The following ZFYVE28 variants were observed in gnomAD, a reference collection of about 807,000 sequenced individuals.
The protein encoded by ZFYVE28 is zinc finger FYVE-type containing 28, also known as lateral signaling target protein 2 homolog.
A neutral mutation model predicts 82.1 loss-of-function variants in ZFYVE28; 40 were observed. The observed-to-expected ratio is 0.49, with a 90% CI of 0.38 to 0.63. ZFYVE28 has a LOEUF of 0.63. ZFYVE28 is among the 30% of genes least tolerant of loss of function. The probability of loss-of-function intolerance (pLI) is 0.00; values close to 1 mark genes in which losing one functional copy is unlikely to be tolerated. For missense variants in ZFYVE28, 1,321 were observed against 1,242.1 expected, an observed-to-expected ratio of 1.06 and a Z score of -0.96; for synonymous variants, 612 against 546.1, an observed-to-expected ratio of 1.12 and a Z score of -1.68.
At chr4:2,352,085 C>T (rs1328515445) in intron 2 of ZFYVE28, among the ~76,000 whole-genome samples, 1 of 152,128 alleles carries the variant, frequency 6.6e-6, no homozygotes, top group East Asian at 1.9e-4. Context: ...GGTTTTGTGT[C>T]CTGAGAATAC....
At chr4:2,291,538 A>G (rs1258244487) in intron 8 of ZFYVE28, among the ~76,000 whole-genome samples, 1 of 152,180 alleles carries the variant, frequency 6.6e-6, no homozygotes, top group Non-Finnish European at 1.5e-5. Flanking sequence ...AGCAGGGAGT[A>G]GGGCCGGAAG....
intron 2 of ZFYVE28, among the ~76,000 whole-genome samples, chr4:2,348,570 G>A (rs1177836546): frequency 1.3e-5 from 2 of 152,200 alleles, no homozygotes; most frequent in Non-Finnish European, 2.9e-5. Context: ...AAAGGATAAT[G>A]TACCATGAAC....
chr4:2,353,688 G>GC (rs1302705716), intron 2 of ZFYVE28, among the ~76,000 whole-genome samples: 2 of 152,010 alleles, frequency 1.3e-5, no homozygotes, highest in African/African-American at 4.8e-5. Context: ...CGCACCCCCT[G>GC]CCCCCGCTCT....
chr4:2,314,510 T>C (rs1390532866), intron 7 of ZFYVE28, among the ~76,000 whole-genome samples: 1 of 152,250 alleles, frequency 6.6e-6, no homozygotes, highest in Non-Finnish European at 1.5e-5. Context: ...TGTTTTTCCT[T>C]CTATGAATTT....
intron 8 of ZFYVE28, among the ~76,000 whole-genome samples, chr4:2,294,432 A>G (rs974173889): frequency 2.0e-5 from 3 of 152,242 alleles, no homozygotes; most frequent in Admixed American, 6.5e-5. Context: ...CACCATATAC[A>G]TGAGTTACTT....
At chr4:2,414,389 T>C (rs1265429307) in intron 1 of ZFYVE28, among the ~76,000 whole-genome samples, 1 of 152,272 alleles carries the variant, frequency 6.6e-6, no homozygotes, top group Non-Finnish European at 1.5e-5. Context: ...GCAAAGGCCA[T>C]GTCATCGCTA....
intron 1 of ZFYVE28, among the ~76,000 whole-genome samples, chr4:2,375,959 T>C (rs13122325): frequency 0.67 from 100,902 of 151,130 alleles, 34,020 homozygotes; most frequent in East Asian, 0.8. Context: ...CTGCAACCTC[T>C]GCCTCCTGGG....
intron 1 of ZFYVE28, among the ~76,000 whole-genome samples, chr4:2,386,741 C>T (rs571740253): frequency 4.6e-5 from 7 of 152,258 alleles, no homozygotes; most frequent in Non-Finnish European, 8.8e-5. Context: ...TGTAAGAAAC[C>T]CAAATGCCTT....
intron 1 of ZFYVE28, among the ~76,000 whole-genome samples, chr4:2,402,691 A>T (rs1051838912): frequency 6.6e-6 from 1 of 152,194 alleles, no homozygotes; most frequent in Non-Finnish European, 1.5e-5. Flanking sequence ...TTAGAAGGGA[A>T]TATTAAAAAC....
In ZFYVE28 at chr4:2,339,024, G is replaced by A. The variant is rs538504677; in HGVS notation, c.521+429C>T. On this transcript the variant is annotated intron_variant, in intron 4 of 12. Transcript: ENST00000290974. The surrounding 1 kb of genome is among the most constrained non-coding windows in gnomAD (Gnocchi z 5.0). ...AGATGGGGTGTCACCGTGTTAGCCA[G>A]GATGGTCTCGATCTTCTGACCTCAT... 1.4e-4 allele frequency among the ~76,000 whole-genome samples: 21 copies of A among 152,152 alleles called. No individual in the cohort carries two copies. Among genetic ancestry groups the A allele is most frequent in the Non-Finnish European group, 2.6e-4 (18 of 68,030 alleles).
chr4:2,273,192 G>C lies in ZFYVE28; in HGVS notation c.2304C>G (p.Asp768Glu), dbSNP rs148161127. ...ACTCACCCTTCCTTAACTTTTCCTT[G>C]TCGTCTGTTTCAGGCTTGGTGGCCA... ...EVMATKPETD[D>E]KEKLRKVTQT... Residue 768 changes from aspartate to glutamate, a missense_variant, in exon 10 of 13, where the codon GAC becomes GAG. Physicochemically the swap from Asp to Glu is conservative, Grantham distance 45 (BLOSUM62 2). This residue lies in a region of ZFYVE28 where 978 missense variants were observed against 833.7 expected (regional missense o/e 1.17). Coordinates refer to ENST00000290974, the MANE Select transcript of ZFYVE28 (RefSeq NM_020972.3). The C allele has an allele frequency of 6.2e-7, 1 of 1,613,730 alleles. No homozygotes were observed. Among genetic ancestry groups the C allele is most frequent in the South Asian group, 1.1e-5 (1 of 91,066 alleles).
intron 8 of ZFYVE28, among the ~76,000 whole-genome samples, chr4:2,292,948 G>A (rs1355547747): frequency 6.6e-6 from 1 of 152,206 alleles, no homozygotes; most frequent in Non-Finnish European, 1.5e-5. Context: ...TCATGACCAT[G>A]TACAGTTTGC....
intron 2 of ZFYVE28, among the ~76,000 whole-genome samples, chr4:2,347,762 T>C (rs1453077664): frequency 1.3e-5 from 2 of 152,110 alleles, no homozygotes; most frequent in Non-Finnish European, 2.9e-5. Context: ...GGAATGCCAC[T>C]AAAGCAGCAA....
intron 6 of ZFYVE28, among the ~76,000 whole-genome samples, chr4:2,333,915 T>C (rs1721139700): frequency 6.6e-6 from 1 of 152,134 alleles, no homozygotes; most frequent in African/African-American, 2.4e-5. Flanking sequence ...AGAAAAACAA[T>C]GTCACCAAAT....
At chr4:2,390,650 G>A (rs1729727008) in intron 1 of ZFYVE28, among the ~76,000 whole-genome samples, 1 of 152,194 alleles carries the variant, frequency 6.6e-6, no homozygotes, top group African/African-American at 2.4e-5. Context: ...AGAAAGATCT[G>A]GAAAAAACAA....
intron 7 of ZFYVE28, among the ~76,000 whole-genome samples, chr4:2,308,706 A>AGAAAG: frequency 6.7e-6 from 1 of 149,018 alleles, no homozygotes; most frequent in Non-Finnish European, 1.5e-5. Context: ...AGAAAAGAAA[A>AGAAAG]AAGAAAAGAA....
intron 1 of ZFYVE28, among the ~76,000 whole-genome samples, chr4:2,375,478 C>T (rs1041542271): frequency 1.2e-4 from 18 of 152,238 alleles, no homozygotes; most frequent in Admixed American, 1.2e-3. Flanking sequence ...GGTGACCAAA[C>T]TGAATGAATC....
intron 7 of ZFYVE28, among the ~76,000 whole-genome samples, chr4:2,314,108 G>T (rs1717879508): frequency 6.6e-6 from 1 of 152,160 alleles, no homozygotes; most frequent in African/African-American, 2.4e-5. Context: ...ACAGATTTGG[G>T]ATTGTGACAT....
At position 2,323,284 on chromosome 4, in the gene ZFYVE28, T is replaced by A. The variant is rs77299417; in HGVS notation, c.702-3013A>T. 5.6e-4 allele frequency among the ~76,000 whole-genome samples: 86 copies of A among 152,334 alleles called. No individual in the cohort carries two copies. The Middle Eastern group carries it at 0.014, about 24-fold the overall frequency. ...CATCTCATCATGGTTTTGACTTGCA[T>A]TTCCTTAGTAACCAACGATGTGGAG... On this transcript the variant is annotated intron_variant, in intron 6 of 12. Transcript: ENST00000290974.
Sources: allele counts gnomAD v4.1 joint callset (sites outside exome capture counted in the v4.1 genomes callset), GRCh38; gene constraint gnomAD v4.1.1; regional missense constraint gnomAD v4.1.1; non-coding constraint Gnocchi (gnomAD v3.1); transcripts MANE v1.5; gene names NCBI Gene and HGNC (gene_info 2026-07-23, HGNC 2026-07-21).